The following GABRB2 variants were observed in gnomAD, a reference collection of about 807,000 sequenced individuals.
The protein encoded by GABRB2 is gamma-aminobutyric acid type A receptor subunit beta2.
In GABRB2, 16 loss-of-function variants were observed where a neutral mutation model predicts 54.7. That is an observed-to-expected ratio of 0.29 (90% confidence interval 0.20 to 0.44). The LOEUF (loss-of-function observed/expected upper bound fraction) is 0.44. GABRB2 is among the 20% of genes least tolerant of loss of function. The probability of loss-of-function intolerance (pLI) is 1.00; values close to 1 mark genes in which losing one functional copy is unlikely to be tolerated. For missense variants in GABRB2, 355 were observed against 644.0 expected, an observed-to-expected ratio of 0.55 and a Z score of 4.86; for synonymous variants, 244 against 233.8, an observed-to-expected ratio of 1.04 and a Z score of -0.40.
intron 3 of GABRB2, among the ~76,000 whole-genome samples, chr5:161,487,275 C>T (rs1758955115): frequency 6.6e-6 from 1 of 151,720 alleles, no homozygotes; most frequent in Admixed American, 6.6e-5. Context: ...TAAAACAATC[C>T]TAGATGAATG....
chr5:161,474,853 C>T (rs1468289911), intron 3 of GABRB2, among the ~76,000 whole-genome samples: 2 of 151,902 alleles, frequency 1.3e-5, no homozygotes, highest in East Asian at 3.9e-4. Context: ...CCCCAAAATC[C>T]TTTTCGATCA....
At chr5:161,457,602 C>A (rs953128899) in intron 4 of GABRB2, among the ~76,000 whole-genome samples, 1 of 151,956 alleles carries the variant, frequency 6.6e-6, no homozygotes, top group African/African-American at 2.4e-5. Flanking sequence ...CCCGCCACTA[C>A]GCCCAGCAAA....
intron 3 of GABRB2, among the ~76,000 whole-genome samples, chr5:161,538,656 T>C (rs533967145): frequency 1.9e-3 from 288 of 152,254 alleles, no homozygotes; most frequent in Non-Finnish European, 3.5e-3. Flanking sequence ...AAACCCCATC[T>C]CTATTAAAAA....
intron 3 of GABRB2, among the ~76,000 whole-genome samples, chr5:161,529,008 C>G (rs933748580): frequency 6.6e-6 from 1 of 151,858 alleles, no homozygotes; most frequent in Middle Eastern, 3.2e-3. Flanking sequence ...ATCTAAAAGT[C>G]TCTTATAAAA....
At chr5:161,488,872 ATAGT>A (rs1055391277) in intron 3 of GABRB2, among the ~76,000 whole-genome samples, 1 of 151,850 alleles carries the variant, frequency 6.6e-6, no homozygotes, top group African/African-American at 2.4e-5. Flanking sequence ...CTAGGAAAAA[ATAGT>A]TAGCAAGCTC....
intron 3 of GABRB2, among the ~76,000 whole-genome samples, chr5:161,466,858 G>T (rs1008998944): frequency 6.6e-6 from 1 of 151,922 alleles, no homozygotes; most frequent in Non-Finnish European, 1.5e-5. Flanking sequence ...ATTATCTATG[G>T]AGTTTTTCCT....
At chr5:161,467,809 T>C (rs182213347) in intron 3 of GABRB2, among the ~76,000 whole-genome samples, 2 of 152,172 alleles carry the variant, frequency 1.3e-5, no homozygotes, top group East Asian at 1.9e-4. Flanking sequence ...CTCAACATCA[T>C]AGGCTGTGAG....
At chr5:161,327,994 T>G (rs547776139) in intron 8 of GABRB2, among the ~76,000 whole-genome samples, 49 of 152,312 alleles carry the variant, frequency 3.2e-4, no homozygotes, top group African/African-American at 1.1e-3. Context: ...CCTTTCATGC[T>G]GGGTGAACAA....
At position 161,504,050 on chromosome 5, in the gene GABRB2, T is replaced by C. The variant is rs143304013; in HGVS notation, c.237+41177A>G. On this transcript the variant is annotated intron_variant, in intron 3 of 9. Transcript: ENST00000393959. ...ACTAATTACAGACCTTTAAAATAAA[T>C]GAAGCAAAAACTTACCTATCCAAAG... Among the ~76,000 whole-genome samples, 37 of 152,048 alleles carry C rather than the reference T, an allele frequency of 2.4e-4. No homozygotes were observed. The East Asian group carries it at 6.8e-3, about 28-fold the overall frequency.
At chr5:161,476,093 T>A (rs1051340187) in intron 3 of GABRB2, among the ~76,000 whole-genome samples, 2 of 151,954 alleles carry the variant, frequency 1.3e-5, no homozygotes, top group African/African-American at 2.4e-5. Flanking sequence ...TTGGCCAAGT[T>A]GCAGAACACA....
intron 5 of GABRB2, among the ~76,000 whole-genome samples, chr5:161,338,183 T>G (rs1286582362): frequency 6.6e-6 from 1 of 152,160 alleles, no homozygotes; most frequent in Non-Finnish European, 1.5e-5. Flanking sequence ...CAGCTCAGGC[T>G]GTATGGTTTA....
intron 4 of GABRB2, among the ~76,000 whole-genome samples, chr5:161,416,073 G>A (rs1756657159): frequency 6.6e-6 from 1 of 152,118 alleles, no homozygotes; most frequent in African/African-American, 2.4e-5. Flanking sequence ...TAAGTAGCTG[G>A]AACTACAGGT....
At chr5:161,420,655 T>A (rs1019815793) in intron 4 of GABRB2, among the ~76,000 whole-genome samples, 4 of 152,158 alleles carry the variant, frequency 2.6e-5, no homozygotes, top group Admixed American at 6.5e-5. Context: ...CCTTCAGAAA[T>A]GGAAGGCTGC....
intron 3 of GABRB2, among the ~76,000 whole-genome samples, chr5:161,485,511 C>G (rs571029449): frequency 1.3e-5 from 2 of 152,040 alleles, no homozygotes; most frequent in East Asian, 3.9e-4. Flanking sequence ...AAACTCTGCC[C>G]TGACCTCTAC....
At chr5:161,382,881 G>T (rs1182536137) in intron 5 of GABRB2, among the ~76,000 whole-genome samples, 1 of 152,130 alleles carries the variant, frequency 6.6e-6, no homozygotes, top group Non-Finnish European at 1.5e-5. Context: ...GCTGTCATGA[G>T]GTCCCCTGAG....
chr5:161,470,038 A>C (rs4348252), intron 3 of GABRB2, among the ~76,000 whole-genome samples: 10 of 150,904 alleles, frequency 6.6e-5, no homozygotes, highest in African/African-American at 2.4e-4. Context: ...AAACTTTTCT[A>C]TCTCTCTTGA....
At chr5:161,403,211 T>C (rs1756253970) in intron 5 of GABRB2, among the ~76,000 whole-genome samples, 1 of 152,130 alleles carries the variant, frequency 6.6e-6, no homozygotes, top group Non-Finnish European at 1.5e-5. Context: ...GAGTTTCAGA[T>C]AGCTCTGGGC....
Position 161,307,076 on chromosome 5 carries a change from A to T in GABRB2, c.1192-12648T>A, listed in dbSNP as rs73797562. On this transcript the variant is annotated intron_variant, in intron 9 of 9. Transcript: ENST00000393959. ...GCAGCTGTTTGAATAGAACCAAGGG[A>T]TTTCTAATATTTGCTGCATCATATA... Among the ~76,000 whole-genome samples, 1,164 of 152,248 alleles carry T rather than the reference A, an allele frequency of 7.6e-3. 15 individuals are homozygous for T. Among genetic ancestry groups the T allele is most frequent in the African/African-American group, 0.025 (1,044 of 41,538 alleles).
intron 5 of GABRB2, among the ~76,000 whole-genome samples, chr5:161,374,760 C>T (rs1171520934): frequency 6.6e-6 from 1 of 152,186 alleles, no homozygotes; most frequent in African/African-American, 2.4e-5. Flanking sequence ...TGTTTCCCTA[C>T]ATGGTCTTAC....
Sources: gnomAD v4.1 joint callset for allele counts (sites outside exome capture counted in the v4.1 genomes callset) on GRCh38, gnomAD v4.1.1 for gene constraint, MANE v1.5 for transcripts, NCBI Gene and HGNC (gene_info 2026-07-23, HGNC 2026-07-21) for gene names.